Variants in HECW2 observed in about 807,000 individuals in gnomAD.
The protein encoded by HECW2 is E3 ubiquitin-protein ligase HECW2.
HECW2 carries 61 observed loss-of-function variants against 175.2 expected under a neutral mutation model. The ratio of observed to expected loss-of-function variants is 0.35; its 90% CI spans 0.28 to 0.43. The LOEUF is 0.43. Ranked by LOEUF, HECW2 falls within the 20% of genes least tolerant of loss-of-function variation. HECW2 has a pLI of 1.00. For missense variants in HECW2, 1,524 were observed against 2,000.5 expected (o/e 0.76, Z 4.54); for synonymous variants, 671 against 731.0 (o/e 0.92, Z 1.32).
At chr2:196,347,178 G>C (rs1229347955) in intron 2 of HECW2, among the ~76,000 whole-genome samples, 1 of 147,940 alleles carries the variant, frequency 6.8e-6, no homozygotes, top group East Asian at 2.0e-4. Context: ...TCAGCCTCCC[G>C]AGTAGCTGGG....
At chr2:196,230,541 C>T (rs1688013770) in intron 21 of HECW2, among the ~76,000 whole-genome samples, 1 of 152,190 alleles carries the variant, frequency 6.6e-6, no homozygotes, top group South Asian at 2.1e-4. Context: ...AACCTTCTCT[C>T]AGGGCAGGGG....
At chr2:196,226,804 C>A (rs1332125434) in intron 22 of HECW2, among the ~76,000 whole-genome samples, 1 of 152,236 alleles carries the variant, frequency 6.6e-6, no homozygotes, top group Non-Finnish European at 1.5e-5. Flanking sequence ...TTTCACCATT[C>A]AAGAATTGTG....
chr2:196,552,825 C>T (rs2125486530), intron 1 of HECW2, among the ~76,000 whole-genome samples: 1 of 152,326 alleles, frequency 6.6e-6, no homozygotes, highest in South Asian at 2.1e-4. Context: ...CTTTCCTCTT[C>T]AGTGAATCAG....
At chr2:196,419,700 G>C (rs1004167755) in intron 2 of HECW2, among the ~76,000 whole-genome samples, 1 of 152,112 alleles carries the variant, frequency 6.6e-6, no homozygotes, top group African/African-American at 2.4e-5. Context: ...ATGTTTGTTG[G>C]GGATGTGTGT....
At chr2:196,489,423 A>C (rs1687113594) in intron 1 of HECW2, among the ~76,000 whole-genome samples, 1 of 152,050 alleles carries the variant, frequency 6.6e-6, no homozygotes, top group Non-Finnish European at 1.5e-5. Context: ...GCTGGAGGAC[A>C]CAGCTAAATT....
chr2:196,412,569 C>A (rs1446705418), intron 2 of HECW2, among the ~76,000 whole-genome samples: 1 of 152,192 alleles, frequency 6.6e-6, no homozygotes, highest in African/African-American at 2.4e-5. Context: ...ATTCAGAACA[C>A]CCTTTAGGGA....
chr2:196,234,753 G>C (rs980054970), intron 21 of HECW2, among the ~76,000 whole-genome samples: 1 of 152,164 alleles, frequency 6.6e-6, no homozygotes, highest in Admixed American at 6.5e-5. Flanking sequence ...CAACCCTAGA[G>C]AAGCAACTTC....
At chr2:196,441,494 T>C (rs1010219944) in intron 1 of HECW2, among the ~76,000 whole-genome samples, 12 of 152,128 alleles carry the variant, frequency 7.9e-5, no homozygotes, top group African/African-American at 9.7e-5. Flanking sequence ...ACTACATTTA[T>C]AGTCAAGATA....
At chr2:196,451,426 C>A (rs1390269722) in intron 1 of HECW2, among the ~76,000 whole-genome samples, 2 of 132,440 alleles carry the variant, frequency 1.5e-5, no homozygotes, top group East Asian at 2.1e-4. Flanking sequence ...AGCGAGACTC[C>A]GTCTCAAAAA....
At chr2:196,426,677 T>C (rs1023234139) in intron 2 of HECW2, among the ~76,000 whole-genome samples, 1 of 152,068 alleles carries the variant, frequency 6.6e-6, no homozygotes. Context: ...AGTTGGGAAA[T>C]ACGAGACTAC....
chr2:196,362,902 G>A (rs929886794), intron 2 of HECW2, among the ~76,000 whole-genome samples: 4 of 152,094 alleles, frequency 2.6e-5, no homozygotes, highest in Non-Finnish European at 4.4e-5. Flanking sequence ...CAACCTCCAG[G>A]AAAACTAGAT....
At position 196,385,922 on chromosome 2, in the gene HECW2, G is replaced by A. The variant is rs928110821; in HGVS notation, c.293-42158C>T. 2.6e-5 allele frequency among the ~76,000 whole-genome samples: 4 copies of A among 152,102 alleles called. No individual in the cohort carries two copies. The East Asian group carries it at 7.7e-4, about 29-fold the overall frequency. On this transcript the variant is annotated intron_variant, in intron 2 of 28. Coordinates refer to ENST00000644978, the MANE Select transcript of HECW2 (RefSeq NM_001348768.2). ...GAATGTAAAATGCCTCATTTAATGT[G>A]AAAAATGTCACAACAGTGTAGAGCT...
chr2:196,529,393 A>G (rs1412569569), intron 1 of HECW2, among the ~76,000 whole-genome samples: 2 of 140,718 alleles, frequency 1.4e-5, no homozygotes, highest in Non-Finnish European at 3.0e-5. Flanking sequence ...TTACTAAAAA[A>G]GAGTTGAGGT....
rs987830059 is a variant in HECW2, at chr2:196,197,394, CTGATTAA to C, written c.*3876_*3882del. On this transcript the variant is annotated 3_prime_UTR_variant, in exon 29 of 29. Coordinates refer to ENST00000644978, the MANE Select transcript of HECW2 (RefSeq NM_001348768.2). ...AAAATTTAAAAATAAAATAAGGCTTCTGATTAATGTTTTCCATTATCTTGTTTCCAAA... is the reference window on the plus strand; with the variant it reads ...AAAATTTAAAAATAAAATAAGGCTTCTGTTTTCCATTATCTTGTTTCCAAA... 6 of 151,120 alleles carry C rather than the reference CTGATTAA, an allele frequency of 4.0e-5. No homozygotes were observed. Among genetic ancestry groups the C allele is most frequent in the Non-Finnish European group, 7.4e-5 (5 of 67,920 alleles). 9.4% of individuals were successfully genotyped at this position (151,120 alleles called of 1,614,324 possible).
intron 10 of HECW2, among the ~76,000 whole-genome samples, chr2:196,308,559 GA>G (rs1575394137): frequency 6.6e-6 from 1 of 152,042 alleles, no homozygotes; most frequent in Non-Finnish European, 1.5e-5. Context: ...TTAGTCCTCA[GA>G]AAAAAATAAC....
intron 10 of HECW2, among the ~76,000 whole-genome samples, chr2:196,314,222 C>T (rs1691606711): frequency 6.6e-6 from 1 of 152,190 alleles, no homozygotes; most frequent in Non-Finnish European, 1.5e-5. Flanking sequence ...TTGGGGAGGG[C>T]CTCTTTGCAT....
intron 1 of HECW2, among the ~76,000 whole-genome samples, chr2:196,530,982 C>T (rs1688820591): frequency 6.6e-6 from 1 of 152,188 alleles, no homozygotes; most frequent in South Asian, 2.1e-4. Context: ...CTTCATCTGG[C>T]CAACTTCTAC....
intron 1 of HECW2, among the ~76,000 whole-genome samples, chr2:196,506,712 T>C (rs1456742309): frequency 6.6e-6 from 1 of 152,008 alleles, no homozygotes; most frequent in Non-Finnish European, 1.5e-5. Context: ...AATGTATTAC[T>C]ATCATAAATA....
chr2:196,275,667 T>G (rs1457771189), intron 15 of HECW2, among the ~76,000 whole-genome samples: 11 of 151,664 alleles, frequency 7.3e-5, no homozygotes, highest in East Asian at 3.9e-4. Flanking sequence ...CAGGAGAATC[T>G]CTTGAACCCG....
Sources: gnomAD v4.1 joint callset for allele counts (sites outside exome capture counted in the v4.1 genomes callset) on GRCh38, gnomAD v4.1.1 for gene constraint, MANE v1.5 for transcripts, NCBI Gene and HGNC (gene_info 2026-07-23, HGNC 2026-07-21) for gene names.